Variants in ZFP30 observed in about 807,000 individuals in gnomAD.
The protein encoded by ZFP30 is zinc finger protein 30 homolog.
Under a neutral mutation model 12.3 loss-of-function variants are expected in ZFP30, and 16 were observed. That is an observed-to-expected ratio of 1.30 (90% confidence interval 0.88 to 1.98). The LOEUF is 1.98. ZFP30 is among the 30% of genes most tolerant of loss of function. The pLI is 0.00. For synonymous variants in ZFP30, 172 were observed against 201.0 expected (o/e 0.86, Z 1.22); for missense variants, 560 against 611.2 (o/e 0.92, Z 0.88).
At chr19:37,648,026 G>A in intron 2 of ZFP30, 127 bp from the exon 3 acceptor site, 1 of 586,938 alleles carries the variant, frequency 1.7e-6, no homozygotes, top group Non-Finnish European at 3.0e-6. Flanking sequence ...AGTTTTGATA[G>A]GTAAGAGGTA....
chr19:37,638,103 G>A (rs1181286354), intron 5 of ZFP30, among the ~76,000 whole-genome samples: 1 of 152,178 alleles, frequency 6.6e-6, no homozygotes, highest in Non-Finnish European at 1.5e-5. Flanking sequence ...ATGGAAAATA[G>A]TGATTTCTTT....
chr19:37,642,767 C>G (rs971005118), intron 5 of ZFP30, among the ~76,000 whole-genome samples: 26 of 152,062 alleles, frequency 1.7e-4, no homozygotes, highest in African/African-American at 6.0e-4. Context: ...AGAAAAGAAA[C>G]GACTGAGGCC....
chr19:37,636,564 C>T (rs1299832001), intron 5 of ZFP30, among the ~76,000 whole-genome samples: 1 of 152,072 alleles, frequency 6.6e-6, no homozygotes, highest in African/African-American at 2.4e-5. Context: ...TTTCTCTTTT[C>T]AGTTAGAATA....
intron 5 of ZFP30, among the ~76,000 whole-genome samples, chr19:37,640,756 A>G (rs1416320270): frequency 6.6e-6 from 1 of 151,742 alleles, no homozygotes; most frequent in Non-Finnish European, 1.5e-5. Context: ...AAAGTAAAAT[A>G]AAATAATAAA....
At position 37,634,682 on chromosome 19, in the gene ZFP30, GT is replaced by G; in HGVS notation, c.*298del. On this transcript the variant is annotated 3_prime_UTR_variant, in exon 6 of 6. Transcript: ENST00000684514. The stretch of plus-strand genomic sequence containing the variant: ...ATGAAGTGGTTCCCTAGCAACCTTC[GT>G]GTGTATATACACAGATGGAAGAATA... 4.1e-6 allele frequency: 1 copy of G among 246,854 alleles called. No homozygotes were observed. Among genetic ancestry groups the G allele is most frequent in the South Asian group, 1.7e-4 (1 of 5,834 alleles). The allele number at this position is 246,854 out of a possible 1,614,324, so 15.3% of individuals were successfully genotyped here. A position where few individuals can be genotyped will look rare whatever the true frequency, so the allele number is the denominator to read the frequency against.
chr19:37,647,852 TTCC>T lies in ZFP30; in HGVS notation c.-33_-31del, dbSNP rs766545881. ...TTAGAACTGCTAGAACTGGTCAATT[TTCC>T]TCAAGGTTCATGTACTTCAGAAGCA... On this transcript the variant is annotated 5_prime_UTR_variant, in exon 3 of 6. Transcript: ENST00000684514. 1 of 1,614,022 alleles carries T rather than the reference TTCC, an allele frequency of 6.2e-7. No individual in the cohort carries two copies. Among genetic ancestry groups the T allele is most frequent in the African/African-American group, 1.3e-5 (1 of 75,048 alleles).
intron 3 of ZFP30, among the ~76,000 whole-genome samples, chr19:37,646,106 C>T (rs527561644): frequency 1.1e-4 from 16 of 152,232 alleles, no homozygotes; most frequent in Non-Finnish European, 2.2e-4. Flanking sequence ...CTAACCACTC[C>T]GCCCCACCTG....
intron 5 of ZFP30, among the ~76,000 whole-genome samples, chr19:37,641,938 C>G (rs559609210): frequency 1.1e-3 from 169 of 152,328 alleles, no homozygotes; most frequent in African/African-American, 3.6e-3. Context: ...AGGTGTAGAA[C>G]ATAGTCCTCT....
intron 2 of ZFP30, among the ~76,000 whole-genome samples, chr19:37,654,467 G>C (rs927868415): frequency 6.6e-6 from 1 of 152,150 alleles, no homozygotes; most frequent in Non-Finnish European, 1.5e-5. Flanking sequence ...AAGATCCTTA[G>C]AAAAACAGCG....
At chr19:37,636,773 C>G (rs893953071) in intron 5 of ZFP30, among the ~76,000 whole-genome samples, 3 of 151,284 alleles carry the variant, frequency 2.0e-5, no homozygotes, top group African/African-American at 7.3e-5. Flanking sequence ...TGCAGTGGCT[C>G]GATCTCAGCT....
chr19:37,651,881 AT>A (rs57375165), intron 2 of ZFP30, among the ~76,000 whole-genome samples: 1 of 152,190 alleles, frequency 6.6e-6, no homozygotes, highest in Admixed American at 6.5e-5. Context: ...TAAATGCTAA[AT>A]TTTAGAAAAC....
intron 4 of ZFP30, 134 bp from the exon 5 acceptor site, chr19:37,643,497 G>A (rs2044479026): frequency 1.4e-5 from 7 of 505,606 alleles, no homozygotes; most frequent in Non-Finnish European, 1.8e-5. Flanking sequence ...CACAGAAGTA[G>A]GGACCTGGTT....
intron 5 of ZFP30, among the ~76,000 whole-genome samples, chr19:37,637,339 G>A (rs1321303078): frequency 1.3e-5 from 2 of 151,488 alleles, no homozygotes; most frequent in Admixed American, 6.6e-5. Flanking sequence ...CAAGTAGGTA[G>A]GATTACAGGC....
At chr19:37,647,116 CAATT>C (rs2044558045) in intron 3 of ZFP30, among the ~76,000 whole-genome samples, 1 of 152,028 alleles carries the variant, frequency 6.6e-6, no homozygotes, top group African/African-American at 2.4e-5. Context: ...GCTTGAATTA[CAATT>C]ATTTTGGACA....
chr19:37,653,196 C>A (rs2044688160), intron 2 of ZFP30, among the ~76,000 whole-genome samples: 1 of 151,220 alleles, frequency 6.6e-6, no homozygotes, highest in Non-Finnish European at 1.5e-5. Flanking sequence ...ACAGGGAAAT[C>A]AGTGTGACTG....
chr19:37,643,657 GA>G (rs1198541590), intron 4 of ZFP30, among the ~76,000 whole-genome samples: 12 of 152,184 alleles, frequency 7.9e-5, no homozygotes, highest in African/African-American at 2.7e-4. Flanking sequence ...GTGAAAAAGG[GA>G]TAACAGTAAT....
At position 37,633,559 on chromosome 19, in the gene ZFP30, G is replaced by C. The variant is rs2044268954; in HGVS notation, c.*1422C>G. The C allele has an allele frequency of 6.6e-6, 1 of 152,044 alleles. No individual in the cohort carries two copies. The highest frequency in any genetic ancestry group is 1.5e-5 in the Non-Finnish European group (1 of 68,030). The allele number at this position is 152,044 out of a possible 1,614,324, so 9.4% of individuals were successfully genotyped here. On this transcript the variant is annotated 3_prime_UTR_variant, in exon 6 of 6. Coordinates refer to ENST00000684514, the MANE Select transcript of ZFP30 (RefSeq NM_001320669.3). ...AGTGGAGATGAGGTTTCACCATGATGGTCAGGCTGGTCTCGAACTCCTGAC... is the reference window on the plus strand; with the variant it reads ...AGTGGAGATGAGGTTTCACCATGATCGTCAGGCTGGTCTCGAACTCCTGAC...
chr19:37,652,549 C>A (rs1438162320), intron 2 of ZFP30, among the ~76,000 whole-genome samples: 1 of 152,014 alleles, frequency 6.6e-6, no homozygotes, highest in African/African-American at 2.4e-5. Context: ...GCCTGGGAAA[C>A]AAGAGCGAAA....
chr19:37,652,339 G>A (rs544881190), intron 2 of ZFP30, among the ~76,000 whole-genome samples: 2 of 152,276 alleles, frequency 1.3e-5, no homozygotes, highest in South Asian at 4.1e-4. Flanking sequence ...GGCTGAGGCA[G>A]GTGGATTGTC....
Sources: allele counts gnomAD v4.1 joint callset (sites outside exome capture counted in the v4.1 genomes callset), GRCh38; gene constraint gnomAD v4.1.1; transcripts MANE v1.5; gene names NCBI Gene and HGNC (gene_info 2026-07-23, HGNC 2026-07-21).